The following CC2D2A variants were observed in gnomAD, a reference collection of about 807,000 sequenced individuals.
The protein encoded by CC2D2A is coiled-coil and C2 domain-containing protein 2A.
Under a neutral mutation model 212.9 loss-of-function variants are expected in CC2D2A, and 155 were observed. The observed-to-expected ratio is 0.73, with a 90% confidence interval of 0.64 to 0.83. The LOEUF is 0.83. Ranked by LOEUF, CC2D2A falls within the 40% of genes least tolerant of loss-of-function variation. CC2D2A has a pLI of 0.00. For synonymous variants in CC2D2A, 667 were observed against 686.5 expected (o/e 0.97, Z 0.44); for missense variants, 1,856 against 1,956.2 (o/e 0.95, Z 0.97).
At chr4:15,585,614 A>T (rs1220816699) in intron 30 of CC2D2A, among the ~76,000 whole-genome samples, 4 of 152,238 alleles carry the variant, frequency 2.6e-5, no homozygotes, top group Non-Finnish European at 4.4e-5. Flanking sequence ...GTATATTTCC[A>T]GCTAACTAGA....
chr4:15,601,524 A>C lies in CC2D2A; in HGVS notation c.*99A>C. On this transcript the variant is annotated 3_prime_UTR_variant, in exon 37 of 37. Coordinates refer to ENST00000424120, the MANE Select transcript of CC2D2A (RefSeq NM_001378615.1). ...CACATCAGAAGAACATATTATTGGC[A>C]AATAATAAAATTATCAACTGTTTTC... 3 of 722,890 alleles carry C rather than the reference A, an allele frequency of 4.2e-6. No individual in the cohort carries two copies. Among genetic ancestry groups the C allele is most frequent in the Non-Finnish European group, 6.4e-6 (3 of 470,094 alleles). The allele number at this position is 722,890 out of a possible 1,614,324, so 44.8% of individuals were successfully genotyped here. A position where few individuals can be genotyped will look rare whatever the true frequency, so the allele number is the denominator to read the frequency against.
At position 15,537,074 on chromosome 4, in the gene CC2D2A, C is replaced by G. The variant is rs116358011; in HGVS notation, c.1762C>G (p.Gln588Glu). The G allele has an allele frequency of 1.9e-6, 3 of 1,612,724 alleles. No individual in the cohort carries two copies. In the Admixed American group the frequency reaches 5.0e-5, roughly 27 times the overall value. Residue 588 changes from glutamine to glutamate, a missense_variant and splice_region_variant, in exon 15 of 37, where the codon CAA becomes GAA. Coordinates refer to ENST00000424120, the MANE Select transcript of CC2D2A (RefSeq NM_001378615.1). Reference sequence around the variant, plus strand: ...ACAGTGGAAGGCCTGGAGGAAAGTGCAAGTGTGTAAACAAACACTCAGCCT... The same window carrying G: ...ACAGTGGAAGGCCTGGAGGAAAGTGGAAGTGTGTAAACAAACACTCAGCCT... ...LQQWKAWRKV[Q>E]RAKKKKRKQA...
intron 17 of CC2D2A, among the ~76,000 whole-genome samples, chr4:15,542,035 C>T (rs543298153): frequency 6.6e-6 from 1 of 152,206 alleles, no homozygotes; most frequent in South Asian, 2.1e-4. Flanking sequence ...CTAATCTCTG[C>T]TTCCATCTTC....
intron 11 of CC2D2A, among the ~76,000 whole-genome samples, chr4:15,527,077 A>G (rs1172942562): frequency 6.6e-6 from 1 of 152,212 alleles, no homozygotes; most frequent in Non-Finnish European, 1.5e-5. Flanking sequence ...GGTTTGAACT[A>G]GAATCTATGC....
chr4:15,493,431 A>G (rs1371407768), intron 4 of CC2D2A, among the ~76,000 whole-genome samples: 1 of 151,990 alleles, frequency 6.6e-6, no homozygotes. Context: ...ACAGGTGTAC[A>G]CCATCATACC....
Position 15,551,127 on chromosome 4 carries a change from G to C in CC2D2A, c.2338+147G>C, listed in dbSNP as rs2109050518. On this transcript the variant is annotated intron_variant, in intron 18 of 36. Transcript: ENST00000424120. ...AAACAATGATGCTATGCAACTTTTT[G>C]CCAAGTTGCTTTTTATATACTGTTG... The C allele has an allele frequency of 4.6e-6, 3 of 658,924 alleles. No homozygotes were observed. In the South Asian group the frequency reaches 1.3e-4, roughly 28 times the overall value. 40.8% of individuals were successfully genotyped at this position (658,924 alleles called of 1,614,324 possible). A position where few individuals can be genotyped will look rare whatever the true frequency, so the allele number is the denominator to read the frequency against.
At chr4:15,536,039 G>C (rs1230824875) in intron 14 of CC2D2A, among the ~76,000 whole-genome samples, 1 of 152,132 alleles carries the variant, frequency 6.6e-6, no homozygotes, top group Non-Finnish European at 1.5e-5. Flanking sequence ...TTTCCTGGTG[G>C]TACATCTCAC....
chr4:15,600,353 T>C (rs569838487), intron 36 of CC2D2A, among the ~76,000 whole-genome samples: 3 of 152,260 alleles, frequency 2.0e-5, no homozygotes, highest in African/African-American at 7.2e-5. Flanking sequence ...GCTTAGAGGG[T>C]AGCTATCAGG....
intron 28 of CC2D2A, among the ~76,000 whole-genome samples, chr4:15,572,058 C>T (rs146306160): frequency 5.3e-5 from 8 of 152,276 alleles, no homozygotes; most frequent in African/African-American, 1.7e-4. Flanking sequence ...AATTCCTATT[C>T]TTAGGTCCTG....
At chr4:15,567,303 A>G in intron 24 of CC2D2A, 74 bp from the exon 25 acceptor site, 1 of 1,158,150 alleles carries the variant, frequency 8.6e-7, no homozygotes, top group Non-Finnish European at 1.3e-6. Context: ...ATCTCAATAA[A>G]TAAATAATTG....
At chr4:15,540,168 G>A (rs1718350567) in intron 16 of CC2D2A, among the ~76,000 whole-genome samples, 2 of 151,986 alleles carry the variant, frequency 1.3e-5, no homozygotes, top group Admixed American at 6.5e-5. Context: ...AAATTTTGAT[G>A]CCCTAACCTT....
At chr4:15,521,584 C>T (rs939072335) in intron 11 of CC2D2A, among the ~76,000 whole-genome samples, 2 of 152,096 alleles carry the variant, frequency 1.3e-5, no homozygotes, top group East Asian at 1.9e-4. Context: ...GGCAATAGGT[C>T]GGCAGGCGAA....
At chr4:15,583,379 A>G (rs1294376424) in intron 30 of CC2D2A, among the ~76,000 whole-genome samples, 1 of 152,202 alleles carries the variant, frequency 6.6e-6, no homozygotes, top group East Asian at 1.9e-4. Context: ...TCCAGATTTG[A>G]AAGGAGGAAG....
chr4:15,515,226 G>A lies in CC2D2A; in HGVS notation c.880+357G>A, dbSNP rs16892089. ...GTGTATTTTCTTACTACTCTATGGC[G>A]TGATCTTGTAGAGACCTTTGCTTCC... On this transcript the variant is annotated intron_variant, in intron 9 of 36. Coordinates refer to ENST00000424120, the MANE Select transcript of CC2D2A (RefSeq NM_001378615.1). Among the ~76,000 whole-genome samples the A allele has an allele frequency of 4.3e-4, 66 of 152,258 alleles. No homozygotes were observed. In the East Asian group the frequency reaches 7.9e-3, roughly 18 times the overall value.
chr4:15,584,347 T>C (rs1034530334), intron 30 of CC2D2A, among the ~76,000 whole-genome samples: 2 of 152,096 alleles, frequency 1.3e-5, no homozygotes, highest in South Asian at 4.1e-4. Flanking sequence ...AATAAGTCCA[T>C]GCATTTACAG....
chr4:15,533,431 A>T, intron 14 of CC2D2A, 98 bp downstream of exon 14: 1 of 877,504 alleles, frequency 1.1e-6, no homozygotes, highest in South Asian at 2.2e-5. Context: ...ACAAACAAAT[A>T]TGCATGTAAC....
At chr4:15,566,586 C>G (rs904940671) in intron 24 of CC2D2A, among the ~76,000 whole-genome samples, 25 of 152,150 alleles carry the variant, frequency 1.6e-4, no homozygotes, top group African/African-American at 6.0e-4. Context: ...CTGTGGGGAC[C>G]AGAGCATACT....
At chr4:15,527,752 CT>C in intron 12 of CC2D2A, 96 bp downstream of exon 12, 1 of 867,704 alleles carries the variant, frequency 1.2e-6, no homozygotes, top group Non-Finnish European at 1.8e-6. Context: ...GTTCATGCCC[CT>C]CTTTCACATG....
rs201465430 is a variant in CC2D2A at position 15,515,909 on chromosome 4, T to G, written c.922T>G (p.Phe308Val). Reference protein sequence around the residue: ...KKLPENVQPRFLEDEGLYTGV... With the variant: ...KKLPENVQPRVLEDEGLYTGV... Reference sequence around the variant, plus strand: ...GCTTCCTGAGAATGTACAGCCCAGGTTCCTGGAAGATGAAGGCCTTTACAC... The same window carrying G: ...GCTTCCTGAGAATGTACAGCCCAGGGTCCTGGAAGATGAAGGCCTTTACAC... Residue 308 changes from phenylalanine to valine, a missense_variant, in exon 10 of 37, where the codon TTC (phenylalanine) becomes GTC (valine). Phe to Val is a conservative substitution (Grantham distance 50). This residue lies in a region of CC2D2A where 1,512 missense variants were observed against 1,579.3 expected (regional missense o/e 0.96). Transcript: ENST00000424120. 6.4e-7 allele frequency: 1 copy of G among 1,555,628 alleles called. No individual in the cohort carries two copies. The highest frequency in any genetic ancestry group is 2.0e-5 in the Admixed American group (1 of 51,234).
Sources: allele counts gnomAD v4.1 joint callset (sites outside exome capture counted in the v4.1 genomes callset), GRCh38; gene constraint gnomAD v4.1.1; regional missense constraint gnomAD v4.1.1; transcripts MANE v1.5; gene names NCBI Gene and HGNC (gene_info 2026-07-23, HGNC 2026-07-21).